Variants in LPCAT3 observed in about 807,000 individuals in gnomAD.
LPCAT3 encodes lysophosphatidylcholine acyltransferase 3, also known as lysophospholipid acyltransferase 5.
Under a neutral mutation model 63.4 loss-of-function variants are expected in LPCAT3, and 21 were observed. The observed-to-expected ratio is 0.33, with a 90% CI of 0.23 to 0.48. The LOEUF is 0.48. Among genes scored for constraint, LPCAT3 ranks in the 20% least tolerant of loss-of-function variants. LPCAT3 has a pLI of 0.99. For missense variants in LPCAT3, 451 were observed against 590.6 expected, an observed-to-expected ratio of 0.76 and a Z score of 2.45; for synonymous variants, 242 against 227.5, an observed-to-expected ratio of 1.06 and a Z score of -0.58.
Position 6,977,863 on chromosome 12 carries a change from GCC to G in LPCAT3, c.1041-120_1041-119del. The G allele has an allele frequency of 8.4e-7, 1 of 1,187,986 alleles. No homozygotes were observed. 73.6% of individuals were successfully genotyped at this position (1,187,986 alleles called of 1,614,324 possible). On this transcript the variant is annotated intron_variant, in intron 9 of 12. Transcript: ENST00000261407. This position sits in a 1 kb window ranked among gnomAD's most constrained non-coding sequence, Gnocchi z 4.5. ...GAGTGCTGGTGGGTTCCCACGTGTA[GCC>G]CCCAGAGGGTACAGGAGGCAGTGCT... is the stretch of plus-strand genomic sequence containing the variant.
In LPCAT3 at chr12:6,979,500, C is replaced by T; in HGVS notation, c.757G>A (p.Glu253Lys). The T allele has an allele frequency of 6.2e-7, 1 of 1,613,904 alleles. No individual in the cohort carries two copies. Residue 253 changes from glutamate (E) to lysine (K), a missense_variant, in exon 7 of 13, where the codon GAA (glutamate) becomes AAA (lysine). Around this residue, in one of 3 missense-constraint regions of LPCAT3, gnomAD observed 304 missense variants for 390.8 expected, o/e 0.78. Transcript: ENST00000261407. ...TAGTCTTCAGTGAGGAGATAGTCTT[C>T]TGTGATGTGGGGGCTGAGCAGTGTG... Reference protein sequence around the residue: ...GYTLLSPHITEDYLLTEDYDN... With the variant: ...GYTLLSPHITKDYLLTEDYDN...
intron 3 of LPCAT3, 86 bp downstream of exon 3, chr12:6,982,590 A>G (rs891841031): frequency 2.8e-5 from 28 of 1,004,972 alleles, no homozygotes; most frequent in Middle Eastern, 2.9e-4. Context: ...TAGGTCTGCT[A>G]ATTTCTATAC....
chr12:7,017,832 T>C lies in LPCAT3; in HGVS notation c.151+442A>G, dbSNP rs782206249. 1.3e-5 allele frequency among the ~76,000 whole-genome samples: 2 copies of C among 152,214 alleles called. No homozygotes were observed. The highest frequency in any genetic ancestry group is 2.1e-4 in the South Asian group (1 of 4,822). ...AAACAGGCGCTCAGAATATGAAATATGGAATATGGGGCTGAAAAGGCCGAA... is the reference window on the plus strand; with the variant it reads ...AAACAGGCGCTCAGAATATGAAATACGGAATATGGGGCTGAAAAGGCCGAA... On this transcript the variant is annotated intron_variant, in intron 1 of 12. Transcript: ENST00000261407. The surrounding 1 kb of genome is among the most constrained non-coding windows in gnomAD (Gnocchi z 4.1).
intron 6 of LPCAT3, chr12:6,980,046 A>G (rs1386431620): frequency 9.9e-6 from 1 of 101,202 alleles, no homozygotes; most frequent in South Asian, 2.8e-4. Flanking sequence ...TTTTTTTACC[A>G]TTTTAATTTT....
intron 1 of LPCAT3, among the ~76,000 whole-genome samples, chr12:7,004,548 T>G (rs1344646212): frequency 6.6e-6 from 1 of 152,212 alleles, no homozygotes; most frequent in East Asian, 1.9e-4. Context: ...CATTTTTAAC[T>G]ACTCTGCTAT....
intron 1 of LPCAT3, among the ~76,000 whole-genome samples, chr12:6,986,399 A>T (rs1946526310): frequency 6.6e-6 from 1 of 152,184 alleles, no homozygotes. Context: ...AGAAATACAT[A>T]TATAACACAA....
At chr12:7,012,019 G>C (rs782631679) in intron 1 of LPCAT3, among the ~76,000 whole-genome samples, 2 of 152,186 alleles carry the variant, frequency 1.3e-5, no homozygotes, top group Non-Finnish European at 2.9e-5. Context: ...GGTCCAAAGG[G>C]AACTAAACTG....
intron 1 of LPCAT3, among the ~76,000 whole-genome samples, chr12:7,013,538 T>C (rs1555157370): frequency 2.6e-5 from 4 of 151,960 alleles, no homozygotes; most frequent in Admixed American, 2.6e-4. Context: ...AATCCAGAGG[T>C]TGTATTGATA....
At position 7,004,915 on chromosome 12, in the gene LPCAT3, A is replaced by AT. The variant is rs782569290; in HGVS notation, c.151+13358dup. 5.7e-3 allele frequency among the ~76,000 whole-genome samples: 874 copies of AT among 152,188 alleles called. 6 individuals are homozygous for AT. The highest frequency in any genetic ancestry group is 0.02 in the African/African-American group (846 of 41,524). On this transcript the variant is annotated intron_variant, in intron 1 of 12. Transcript: ENST00000261407. ...TTCTATCCCTACTTGAGCACAAAGCATTTTTTTCTTTGATCATGCATAGTC... is the reference window on the plus strand; with the variant it reads ...TTCTATCCCTACTTGAGCACAAAGCATTTTTTTTCTTTGATCATGCATAGTC...
intron 1 of LPCAT3, among the ~76,000 whole-genome samples, chr12:7,013,150 T>G (rs1304377266): frequency 6.6e-6 from 1 of 152,200 alleles, no homozygotes; most frequent in African/African-American, 2.4e-5. Context: ...AGGAAAGAAC[T>G]CAGAGGAAGA....
chr12:6,979,554 T>G lies in LPCAT3; in HGVS notation c.703A>C (p.Ser235Arg). 6.2e-7 allele frequency: 1 copy of G among 1,614,004 alleles called. No homozygotes were observed. Among genetic ancestry groups the G allele is most frequent in the Non-Finnish European group, 8.5e-7 (1 of 1,179,882 alleles). Residue 235 changes from serine to arginine, a missense_variant, in exon 7 of 13, where the codon AGT becomes CGT. Ser to Arg is a moderately radical substitution (Grantham distance 110, BLOSUM62 -1). This residue lies in a region of LPCAT3 where 304 missense variants were observed against 390.8 expected (regional missense o/e 0.78). Coordinates refer to ENST00000261407, the MANE Select transcript of LPCAT3 (RefSeq NM_005768.6). ...CCCACTAGGTAGAAAAGGCCCAGAC[T>G]CAGGCGCTTGAGAGCAGGAATGATG... ...NSIIPALKRL[S>R]LGLFYLVGYT...
intron 1 of LPCAT3, among the ~76,000 whole-genome samples, chr12:6,985,893 G>T (rs1212531779): frequency 6.7e-6 from 1 of 150,364 alleles, no homozygotes; most frequent in Non-Finnish European, 1.5e-5. Context: ...TCCTGCTTCA[G>T]CCTCCCAAGT....
chr12:6,990,036 G>C (rs141295494), intron 1 of LPCAT3, among the ~76,000 whole-genome samples: 53 of 151,552 alleles, frequency 3.5e-4, no homozygotes, highest in Non-Finnish European at 6.6e-4. Flanking sequence ...AGTTGGGTGG[G>C]GTGGGTGGTG....
intron 1 of LPCAT3, among the ~76,000 whole-genome samples, chr12:6,992,496 C>A (rs1555155611): frequency 6.6e-6 from 1 of 152,178 alleles, no homozygotes; most frequent in African/African-American, 2.4e-5. Context: ...CATTTTGCAA[C>A]ATCAGTGCAA....
At chr12:6,983,149 G>A in intron 2 of LPCAT3, 1 of 472,534 alleles carries the variant, frequency 2.1e-6, no homozygotes, top group Non-Finnish European at 3.9e-6. Flanking sequence ...GGACTGCTTG[G>A]CTCGGTCATT....
chr12:7,001,666 A>G (rs1211233941), intron 1 of LPCAT3, among the ~76,000 whole-genome samples: 3 of 152,154 alleles, frequency 2.0e-5, no homozygotes, highest in Non-Finnish European at 2.9e-5. Flanking sequence ...TACTTCGGAA[A>G]CAAACTTTGA....
chr12:7,006,703 T>G (rs1435255852), intron 1 of LPCAT3, among the ~76,000 whole-genome samples: 1 of 152,214 alleles, frequency 6.6e-6, no homozygotes, highest in Admixed American at 6.5e-5. Flanking sequence ...GCCCCATATG[T>G]TTATACTCCA....
Position 6,987,944 on chromosome 12 carries a change from G to A in LPCAT3, c.152-4405C>T. ...TGTCTGTCCCTTTCCTTGCTACTCT[G>A]GGATCAACAGTCACCTCTTGAACTT... On this transcript the variant is annotated intron_variant, in intron 1 of 12. Transcript: ENST00000261407. This position sits in a 1 kb window ranked among gnomAD's most constrained non-coding sequence, Gnocchi z 4.1. The A allele has an allele frequency of 2.5e-6, 1 of 398,604 alleles. No individual in the cohort carries two copies. Among genetic ancestry groups the A allele is most frequent in the Non-Finnish European group, 4.4e-6 (1 of 225,254 alleles). The allele number at this position is 398,604 out of a possible 1,614,324, so 24.7% of individuals were successfully genotyped here.
At chr12:6,990,375 G>A (rs1296854886) in intron 1 of LPCAT3, among the ~76,000 whole-genome samples, 1 of 150,822 alleles carries the variant, frequency 6.6e-6, no homozygotes, top group Non-Finnish European at 1.5e-5. Context: ...CGGGTGTGGT[G>A]GCGGGCACCT....
Sources: allele counts gnomAD v4.1 joint callset (sites outside exome capture counted in the v4.1 genomes callset), GRCh38; gene constraint gnomAD v4.1.1; regional missense constraint gnomAD v4.1.1; non-coding constraint Gnocchi (gnomAD v3.1); transcripts MANE v1.5; gene names NCBI Gene and HGNC (gene_info 2026-07-23, HGNC 2026-07-21).